PTPN13: variants seen among roughly 807,000 people sequenced by gnomAD.
PTPN13 encodes the protein tyrosine-protein phosphatase non-receptor type 13.
PTPN13 carries 191 observed loss-of-function variants against 284.0 expected under a neutral mutation model. The ratio of observed to expected loss-of-function variants is 0.67; its 90% CI spans 0.60 to 0.76. The LOEUF (loss-of-function observed/expected upper bound fraction) is 0.76. Among genes scored for constraint, PTPN13 ranks in the 30% least tolerant of loss-of-function variants. The pLI, the probability that PTPN13 is intolerant of heterozygous loss-of-function variation, is 0.00. For synonymous variants in PTPN13, 986 were observed against 1,022.3 expected (o/e 0.96, Z 0.68); for missense variants, 2,797 against 2,939.9 (o/e 0.95, Z 1.12).
chr4:86,783,108 G>A (rs1439767942), intron 37 of PTPN13, among the ~76,000 whole-genome samples: 1 of 152,100 alleles, frequency 6.6e-6, no homozygotes, highest in Admixed American at 6.5e-5. Flanking sequence ...CTTTAGTGTG[G>A]GAGGAGAAAA....
chr4:86,745,180 T>C, intron 17 of PTPN13, 52 bp downstream of exon 17: 1 of 1,528,730 alleles, frequency 6.5e-7, no homozygotes, highest in South Asian at 1.3e-5. Context: ...GAATAATTTT[T>C]GCCACCAAGT....
At chr4:86,726,502 TTTGTAG>T (rs1734270938) in intron 10 of PTPN13, among the ~76,000 whole-genome samples, 1 of 149,218 alleles carries the variant, frequency 6.7e-6, no homozygotes, top group East Asian at 1.9e-4. Context: ...TGAACAGTGG[TTTGTAG>T]TTCTGCTTGA....
At chr4:86,606,180 A>G (rs1301233347) in intron 1 of PTPN13, among the ~76,000 whole-genome samples, 1 of 151,928 alleles carries the variant, frequency 6.6e-6, no homozygotes, top group Non-Finnish European at 1.5e-5. Flanking sequence ...ACAAGCGCCA[A>G]CAAAGGATCT....
chr4:86,701,194 A>G, intron 6 of PTPN13, 47 bp from the exon 7 acceptor site: 1 of 1,371,076 alleles, frequency 7.3e-7, no homozygotes, highest in South Asian at 1.6e-5. Context: ...ATTTCCATTT[A>G]TTTTCTAAAA....
At chr4:86,624,787 G>C (rs77698949) in intron 1 of PTPN13, among the ~76,000 whole-genome samples, 1 of 152,226 alleles carries the variant, frequency 6.6e-6, no homozygotes, top group African/African-American at 2.4e-5. Flanking sequence ...AATAGCCACT[G>C]TACTCCAATC....
chr4:86,789,783 C>A (rs2149331691), intron 40 of PTPN13, among the ~76,000 whole-genome samples: 1 of 151,920 alleles, frequency 6.6e-6, no homozygotes, highest in Admixed American at 6.5e-5. Context: ...AACCCTCCCC[C>A]ATACACAAGT....
chr4:86,779,564 A>C (rs1302380089), intron 35 of PTPN13, among the ~76,000 whole-genome samples: 1 of 152,036 alleles, frequency 6.6e-6, no homozygotes, highest in Non-Finnish European at 1.5e-5. Context: ...TTGTTGGGGG[A>C]GAGAAGTTAC....
chr4:86,665,487 C>A (rs879862599), intron 2 of PTPN13, among the ~76,000 whole-genome samples: 3 of 152,076 alleles, frequency 2.0e-5, no homozygotes, highest in Non-Finnish European at 2.9e-5. Context: ...TAGTAAAACA[C>A]CAATTTGACA....
intron 40 of PTPN13, among the ~76,000 whole-genome samples, chr4:86,786,995 C>G (rs1742001138): frequency 6.6e-6 from 1 of 151,748 alleles, no homozygotes; most frequent in Non-Finnish European, 1.5e-5. Flanking sequence ...TTCCCAGCCC[C>G]TCGGGAGGCT....
intron 2 of PTPN13, among the ~76,000 whole-genome samples, chr4:86,669,424 A>G (rs1014122213): frequency 4.6e-5 from 7 of 151,724 alleles, no homozygotes; most frequent in Admixed American, 4.6e-4. Flanking sequence ...ATATGTACCA[A>G]AACATTACAC....
intron 15 of PTPN13, among the ~76,000 whole-genome samples, chr4:86,737,659 T>A (rs1735678879): frequency 6.6e-6 from 1 of 152,106 alleles, no homozygotes; most frequent in South Asian, 2.1e-4. Context: ...AGTGTTTTTT[T>A]TTTTCTAAAA....
At chr4:86,761,336 C>A (rs1045565363) in intron 23 of PTPN13, among the ~76,000 whole-genome samples, 1 of 151,640 alleles carries the variant, frequency 6.6e-6, no homozygotes, top group African/African-American at 2.4e-5. Flanking sequence ...CTTAACTTTT[C>A]TTCTATTGTT....
At chr4:86,644,559 T>G (rs542118898) in intron 2 of PTPN13, among the ~76,000 whole-genome samples, 35 of 152,308 alleles carry the variant, frequency 2.3e-4, no homozygotes, top group African/African-American at 7.5e-4. Context: ...ATACAAACAC[T>G]AATAGAACAT....
intron 40 of PTPN13, among the ~76,000 whole-genome samples, chr4:86,788,009 A>G (rs537034093): frequency 3.5e-4 from 53 of 152,324 alleles, no homozygotes; most frequent in African/African-American, 1.2e-3. Flanking sequence ...TGGGCTAGAT[A>G]AATTAGTGCT....
intron 2 of PTPN13, among the ~76,000 whole-genome samples, chr4:86,655,873 G>A (rs1445063693): frequency 6.6e-6 from 1 of 152,130 alleles, no homozygotes; most frequent in Non-Finnish European, 1.5e-5. Context: ...TCACTTTCAG[G>A]TACACCAATC....
At chr4:86,612,321 T>G (rs954225247) in intron 1 of PTPN13, among the ~76,000 whole-genome samples, 2 of 152,164 alleles carry the variant, frequency 1.3e-5, no homozygotes, top group Non-Finnish European at 2.9e-5. Context: ...GAGGTTAGAA[T>G]TAGCAGATAA....
chr4:86,753,869 A>G (rs2149217293), intron 20 of PTPN13, among the ~76,000 whole-genome samples: 1 of 152,218 alleles, frequency 6.6e-6, no homozygotes, highest in Non-Finnish European at 1.5e-5. Context: ...CCTGATGAGA[A>G]AGAAGCCATT....
intron 1 of PTPN13, among the ~76,000 whole-genome samples, chr4:86,602,496 C>T (rs962333825): frequency 2.6e-5 from 4 of 151,606 alleles, no homozygotes; most frequent in East Asian, 1.9e-4. Context: ...TTTTTTAACA[C>T]GGTACAGGTA....
chr4:86,752,298 C>T (rs531358565), intron 19 of PTPN13, among the ~76,000 whole-genome samples: 73 of 152,060 alleles, frequency 4.8e-4, no homozygotes, highest in South Asian at 8.3e-4. Context: ...CAGGGTATGT[C>T]GAGTAAATGA....
Sources: gnomAD v4.1 joint callset for allele counts (sites outside exome capture counted in the v4.1 genomes callset) on GRCh38, gnomAD v4.1.1 for gene constraint, MANE v1.5 for transcripts, NCBI Gene and HGNC (gene_info 2026-07-23, HGNC 2026-07-21) for gene names.